PTPN3: variants seen among roughly 807,000 people sequenced by gnomAD.
PTPN3 encodes the protein protein tyrosine phosphatase non-receptor type 3, also known as tyrosine-protein phosphatase non-receptor type 3.
Under a neutral mutation model 132.7 loss-of-function variants are expected in PTPN3, and 96 were observed. The observed-to-expected ratio is 0.72, with a 90% confidence interval of 0.61 to 0.86. The LOEUF (loss-of-function observed/expected upper bound fraction) is 0.86. PTPN3 is among the 40% of genes least tolerant of loss of function. PTPN3 has a pLI of 0.00. For missense variants in PTPN3, 1,125 were observed against 1,159.6 expected (o/e 0.97, Z 0.43); for synonymous variants, 398 against 429.0 (o/e 0.93, Z 0.89).
At chr9:109,394,877 C>T (rs1480887035) in intron 19 of PTPN3, among the ~76,000 whole-genome samples, 2 of 152,258 alleles carry the variant, frequency 1.3e-5, no homozygotes, top group South Asian at 2.1e-4. Context: ...TGGCAGCTCA[C>T]GCCTGTAATC....
chr9:109,518,610 C>A, the PTPN3 span, among the ~76,000 whole-genome samples: 1 of 151,902 alleles, frequency 6.6e-6, no homozygotes, highest in Non-Finnish European at 1.5e-5. Context: ...TGCCAAGACT[C>A]CCCTGCCTCC....
chr9:109,482,043 C>T (rs535963489), intron 1 of PTPN3, among the ~76,000 whole-genome samples: 212 of 152,326 alleles, frequency 1.4e-3, no homozygotes, highest in Non-Finnish European at 2.5e-3. Flanking sequence ...CCCATAGGCG[C>T]TTAAGAAATG....
intron 5 of PTPN3, chr9:109,449,276 T>G: frequency 1.0e-6 from 1 of 996,300 alleles, no homozygotes; most frequent in Non-Finnish European, 1.2e-6. Context: ...TGTGCCAGGA[T>G]CCATCCACCC....
chr9:109,491,515 A>G (rs1369140737), intron 1 of PTPN3, among the ~76,000 whole-genome samples: 5 of 152,160 alleles, frequency 3.3e-5, no homozygotes, highest in African/African-American at 1.2e-4. Context: ...AAAACATTAA[A>G]AGAAAAAAAA....
At chr9:109,432,534 A>C (rs1224141639) in intron 10 of PTPN3, among the ~76,000 whole-genome samples, 1 of 152,032 alleles carries the variant, frequency 6.6e-6, no homozygotes, top group Non-Finnish European at 1.5e-5. Context: ...TGGCACATTA[A>C]ACTCAAACTT....
chr9:109,460,619 C>T (rs997405038), intron 2 of PTPN3, among the ~76,000 whole-genome samples: 2 of 152,168 alleles, frequency 1.3e-5, no homozygotes, highest in Non-Finnish European at 1.5e-5. Flanking sequence ...CACTGCTGTT[C>T]CTTCTCCCTG....
intron 10 of PTPN3, among the ~76,000 whole-genome samples, chr9:109,430,592 G>A (rs1179874026): frequency 6.6e-6 from 1 of 152,162 alleles, no homozygotes; most frequent in Non-Finnish European, 1.5e-5. Flanking sequence ...TCTATGCCAG[G>A]CCCTGGGGAC....
chr9:109,380,265 C>G (rs1444735980), intron 25 of PTPN3, among the ~76,000 whole-genome samples: 1 of 149,306 alleles, frequency 6.7e-6, no homozygotes, highest in Non-Finnish European at 1.5e-5. Flanking sequence ...ATCTATCTAT[C>G]TAGTTTTCAA....
intron 6 of PTPN3, 59 bp downstream of exon 6, chr9:109,448,752 A>T: frequency 1.3e-6 from 2 of 1,484,724 alleles, no homozygotes; most frequent in Non-Finnish European, 1.9e-6. Context: ...CACTCATTAG[A>T]TTAAAACCAG....
rs1401993514 is a variant in PTPN3 at position 109,378,485 on chromosome 9, A to G, written c.*1071T>C. On this transcript the variant is annotated 3_prime_UTR_variant, in exon 26 of 26. Transcript: ENST00000374541. ...CATTTGTTCTTCCATACAGAGACTC[A>G]TTCTTTATATATACTCAACGGTAAT... is the stretch of plus-strand genomic sequence containing the variant. 1.3e-5 allele frequency: 2 copies of G among 152,598 alleles called. No individual in the cohort carries two copies. Among genetic ancestry groups the G allele is most frequent in the Non-Finnish European group, 2.9e-5 (2 of 68,038 alleles). 9.5% of individuals were successfully genotyped at this position (152,598 alleles called of 1,614,324 possible).
intron 10 of PTPN3, among the ~76,000 whole-genome samples, chr9:109,432,785 C>T (rs1014387909): frequency 2.0e-5 from 3 of 152,182 alleles, no homozygotes; most frequent in Non-Finnish European, 4.4e-5. Context: ...ATGTACTGCC[C>T]AGGAAAAATT....
intron 1 of PTPN3, among the ~76,000 whole-genome samples, chr9:109,489,000 T>C (rs1847337881): frequency 6.6e-6 from 1 of 152,134 alleles, no homozygotes; most frequent in South Asian, 2.1e-4. Flanking sequence ...GATGTGGGCG[T>C]TGGTGCAGGA....
At chr9:109,425,544 C>G (rs1264007387) in intron 12 of PTPN3, among the ~76,000 whole-genome samples, 1 of 151,260 alleles carries the variant, frequency 6.6e-6, no homozygotes, top group Non-Finnish European at 1.5e-5. Flanking sequence ...AACCCTGTCT[C>G]TACTAAAAAT....
At chr9:109,471,929 T>C (rs1175248182) in intron 1 of PTPN3, among the ~76,000 whole-genome samples, 1 of 152,230 alleles carries the variant, frequency 6.6e-6, no homozygotes, top group Non-Finnish European at 1.5e-5. Flanking sequence ...TCTGCCTGTC[T>C]ATGCTTACAG....
chr9:109,404,677 A>G, intron 18 of PTPN3, 69 bp from the exon 19 acceptor site: 1 of 1,343,368 alleles, frequency 7.4e-7, no homozygotes, highest in Non-Finnish European at 9.7e-7. Context: ...CCCTCAAACA[A>G]ATCACACCTA....
Position 109,375,874 on chromosome 9 carries a change from C to T in PTPN3, c.*3682G>A, listed in dbSNP as rs1204739098. On this transcript the variant is annotated 3_prime_UTR_variant, in exon 26 of 26. Coordinates refer to ENST00000374541, the MANE Select transcript of PTPN3 (RefSeq NM_002829.4). ...TTGGTTGCTCCAAACAGAATGAGAGCTATGAGAATGGTGGCCCAGCCCGGC... is the reference window on the plus strand; with the variant it reads ...TTGGTTGCTCCAAACAGAATGAGAGTTATGAGAATGGTGGCCCAGCCCGGC... The T allele has an allele frequency of 6.6e-6, 1 of 152,188 alleles. No individual in the cohort carries two copies. The highest frequency in any genetic ancestry group is 2.4e-5 in the African/African-American group (1 of 41,452). 9.4% of individuals were successfully genotyped at this position (152,188 alleles called of 1,614,324 possible).
At chr9:109,493,969 A>G (rs185005580) in intron 1 of PTPN3, among the ~76,000 whole-genome samples, 58 of 152,362 alleles carry the variant, frequency 3.8e-4, no homozygotes, top group Middle Eastern at 3.4e-3. Context: ...GTGGCAACCA[A>G]TAAGTACAGA....
chr9:109,477,468 C>T (rs533331620), intron 1 of PTPN3, among the ~76,000 whole-genome samples: 1 of 152,294 alleles, frequency 6.6e-6, no homozygotes, highest in East Asian at 1.9e-4. Flanking sequence ...AACAGTACAT[C>T]CAAGGTACCC....
At position 109,381,667 on chromosome 9, in the gene PTPN3, C is replaced by G. The variant is rs1255310697; in HGVS notation, c.2649G>C (p.Met883Ile). The change falls in exon 25 of 26, where the codon ATG becomes ATC. Residue 883 changes from methionine (M) to isoleucine (I), a missense_variant. Coordinates refer to ENST00000374541, the MANE Select transcript of PTPN3 (RefSeq NM_002829.4). ...IVRKMRDQRA[M>I]MVQTSSQYKF... is the part of the protein sequence containing the mutation. ...TTCTACTCACTGATGTCTGCACCAT[C>G]ATGGCGCGCTGGTCTCGCATTTTTC... The G allele has an allele frequency of 6.2e-7, 1 of 1,614,258 alleles. No individual in the cohort carries two copies. Among genetic ancestry groups the G allele is most frequent in the Admixed American group, 1.7e-5 (1 of 60,032 alleles).
Sources: gnomAD v4.1 joint callset for allele counts (sites outside exome capture counted in the v4.1 genomes callset) on GRCh38, gnomAD v4.1.1 for gene constraint, MANE v1.5 for transcripts, NCBI Gene and HGNC (gene_info 2026-07-23, HGNC 2026-07-21) for gene names.